CSNK1G1: variants seen among roughly 807,000 people sequenced by gnomAD.
CSNK1G1 encodes casein kinase I isoform gamma-1.
In CSNK1G1, 22 loss-of-function variants were observed where a neutral mutation model predicts 59.6. The ratio of observed to expected loss-of-function variants is 0.37; its 90% CI spans 0.26 to 0.53. The LOEUF (loss-of-function observed/expected upper bound fraction) is 0.53, where lower values mean the gene tolerates loss of function less well. CSNK1G1 is among the 20% of genes least tolerant of loss of function. The pLI is 0.89. For synonymous variants in CSNK1G1, 179 were observed against 177.1 expected (o/e 1.01, Z -0.08); for missense variants, 384 against 519.5 (o/e 0.74, Z 2.54).
chr15:64,177,987 A>C (rs1450827756), intron 11 of CSNK1G1, among the ~76,000 whole-genome samples: 1 of 152,200 alleles, frequency 6.6e-6, no homozygotes, highest in Non-Finnish European at 1.5e-5. Flanking sequence ...TTTGAATCAG[A>C]CCACGCTTGG....
At chr15:64,283,877 C>A (rs948297134) in intron 2 of CSNK1G1, among the ~76,000 whole-genome samples, 8 of 152,068 alleles carry the variant, frequency 5.3e-5, no homozygotes, top group African/African-American at 1.9e-4. Context: ...ACTGTTTATG[C>A]TTTTGGTATC....
intron 5 of CSNK1G1, among the ~76,000 whole-genome samples, chr15:64,215,362 G>A (rs2082298684): frequency 1.3e-5 from 2 of 151,796 alleles, no homozygotes; most frequent in Admixed American, 6.6e-5. Context: ...AAAGGCGCTC[G>A]CCACCACGCC....
At chr15:64,264,286 T>C (rs1210150914) in intron 2 of CSNK1G1, among the ~76,000 whole-genome samples, 1 of 152,104 alleles carries the variant, frequency 6.6e-6, no homozygotes, top group East Asian at 1.9e-4. Context: ...AGAAATGGAA[T>C]AGTTCCTGGA....
chr15:64,305,695 C>CAAAAAAAAAAAAAAAAAAAAAAA (rs1197333533), intron 1 of CSNK1G1, among the ~76,000 whole-genome samples: 1 of 56,710 alleles, frequency 1.8e-5, no homozygotes, highest in Non-Finnish European at 3.5e-5. Context: ...ACCCTGTCTC[C>CAAAAAAAAAAAAAAAAAAAAAAA]AAAAAAAAAA....
chr15:64,267,784 A>G (rs559570002), intron 2 of CSNK1G1, among the ~76,000 whole-genome samples: 58 of 152,166 alleles, frequency 3.8e-4, no homozygotes, highest in Non-Finnish European at 3.5e-4. Flanking sequence ...ATATGACCCA[A>G]CAATTCCACT....
rs1376621167 is a variant in CSNK1G1 at position 64,309,241 on chromosome 15, C to G, written c.-224-8518G>C. On this transcript the variant is annotated intron_variant, in intron 1 of 11. Coordinates refer to ENST00000303052, the MANE Select transcript of CSNK1G1 (RefSeq NM_022048.5). Reference sequence around the variant, plus strand: ...CGTATTAGCTCTGTGAAGGTAAAAACTGTTGTCACATTCACCATTTTATTT... The same window carrying G: ...CGTATTAGCTCTGTGAAGGTAAAAAGTGTTGTCACATTCACCATTTTATTT... Among the ~76,000 whole-genome samples the G allele has an allele frequency of 2.0e-5, 3 of 151,828 alleles. No homozygotes were observed. In the East Asian group the frequency reaches 5.8e-4, roughly 29 times the overall value.
chr15:64,277,815 T>C (rs1351040217), intron 2 of CSNK1G1, among the ~76,000 whole-genome samples: 1 of 134,526 alleles, frequency 7.4e-6, no homozygotes, highest in African/African-American at 2.9e-5. Context: ...TATATTAATA[T>C]TGATATATTT....
Position 64,169,288 on chromosome 15 carries a change from A to G in CSNK1G1, c.*2643T>C, listed in dbSNP as rs113462735. 1 of 150,576 alleles carries G rather than the reference A, an allele frequency of 6.6e-6. No individual in the cohort carries two copies. The highest frequency in any genetic ancestry group is 1.5e-5 in the Non-Finnish European group (1 of 67,884). The allele number at this position is 150,576 out of a possible 1,614,324, so 9.3% of individuals were successfully genotyped here. A position where few individuals can be genotyped will look rare whatever the true frequency, so the allele number is the denominator to read the frequency against. Reference sequence around the variant, plus strand: ...CACTCTGTTGCCCAGGCTGGAGTGCAGTGGTGCGATCTCGGCTCACTGCAA... The same window carrying G: ...CACTCTGTTGCCCAGGCTGGAGTGCGGTGGTGCGATCTCGGCTCACTGCAA... On this transcript the variant is annotated 3_prime_UTR_variant, in exon 12 of 12. Coordinates refer to ENST00000303052, the MANE Select transcript of CSNK1G1 (RefSeq NM_022048.5).
At chr15:64,333,488 T>C (rs1460579476) in intron 1 of CSNK1G1, among the ~76,000 whole-genome samples, 1 of 134,148 alleles carries the variant, frequency 7.5e-6, no homozygotes, top group East Asian at 2.3e-4. Context: ...TAGAAGCTCC[T>C]GAAAGCACAA....
intron 2 of CSNK1G1, among the ~76,000 whole-genome samples, chr15:64,294,948 G>A (rs900323876): frequency 6.8e-6 from 1 of 148,130 alleles, no homozygotes; most frequent in South Asian, 2.1e-4. Flanking sequence ...GGGTCGGGGG[G>A]TGGCCAGGCG....
At chr15:64,324,662 T>A (rs973993847) in intron 1 of CSNK1G1, among the ~76,000 whole-genome samples, 2 of 152,214 alleles carry the variant, frequency 1.3e-5, no homozygotes, top group African/African-American at 4.8e-5. Context: ...CTATGGTGAG[T>A]CTTCACCTTG....
At chr15:64,189,460 A>G in intron 10 of CSNK1G1, 6 of 1,285,698 alleles carry the variant, frequency 4.7e-6, no homozygotes, top group Non-Finnish European at 6.1e-6. Flanking sequence ...CATAATGCTC[A>G]GCTGTAACAG....
At chr15:64,268,952 T>C (rs1351991012) in intron 2 of CSNK1G1, among the ~76,000 whole-genome samples, 3 of 152,186 alleles carry the variant, frequency 2.0e-5, no homozygotes, top group Non-Finnish European at 4.4e-5. Flanking sequence ...GAGCCTGCTA[T>C]ATTTGTTTTT....
intron 1 of CSNK1G1, among the ~76,000 whole-genome samples, chr15:64,309,543 CGAGCTACTA>C (rs1188093930): frequency 1.3e-5 from 2 of 152,184 alleles, no homozygotes; most frequent in African/African-American, 4.8e-5. Context: ...CAACCTTCAC[CGAGCTACTA>C]GAGCTACTAC....
At chr15:64,231,432 G>GATAT (rs754861786) in intron 4 of CSNK1G1, among the ~76,000 whole-genome samples, 7,717 of 145,362 alleles carry the variant, frequency 0.053, 601 homozygotes, top group African/African-American at 0.18. Context: ...TATATATTAG[G>GATAT]ATATATATAT....
At chr15:64,233,855 A>G (rs1311740310) in intron 4 of CSNK1G1, among the ~76,000 whole-genome samples, 1 of 152,238 alleles carries the variant, frequency 6.6e-6, no homozygotes, top group Non-Finnish European at 1.5e-5. Flanking sequence ...TCCAAGTCCA[A>G]TAAATGAAAC....
At chr15:64,217,205 G>C (rs1295479904) in intron 4 of CSNK1G1, among the ~76,000 whole-genome samples, 1 of 152,348 alleles carries the variant, frequency 6.6e-6, no homozygotes, top group Non-Finnish European at 1.5e-5. Flanking sequence ...AGGTCACAGA[G>C]CGTGCAGCCT....
chr15:64,333,080 A>C (rs1405896925), intron 1 of CSNK1G1, among the ~76,000 whole-genome samples: 1 of 149,436 alleles, frequency 6.7e-6, no homozygotes, highest in African/African-American at 2.5e-5. Context: ...AACATGGTGA[A>C]ATCCTGTCTC....
At position 64,353,089 on chromosome 15, in the gene CSNK1G1, T is replaced by TA. The variant is rs762220752; in HGVS notation, c.-225+2898dup. ...AGGTGACAGAGCAAGAATCTGTCTT[T>TA]AAAAAAAAAGAAAAGAAAATTTCTC... On this transcript the variant is annotated intron_variant, in intron 1 of 11. Transcript: ENST00000303052. Among the ~76,000 whole-genome samples, 39 of 150,206 alleles carry TA rather than the reference T, an allele frequency of 2.6e-4. 1 individual carries two copies. Among genetic ancestry groups the TA allele is most frequent in the East Asian group, 2.6e-3 (13 of 5,084 alleles).
Sources: gnomAD v4.1 joint callset for allele counts (sites outside exome capture counted in the v4.1 genomes callset) on GRCh38, gnomAD v4.1.1 for gene constraint, MANE v1.5 for transcripts, NCBI Gene and HGNC (gene_info 2026-07-23, HGNC 2026-07-21) for gene names.